DYNC2H1: variants seen among roughly 807,000 people sequenced by gnomAD.
DYNC2H1 encodes the protein cytoplasmic dynein 2 heavy chain 1.
Under a neutral mutation model 570.0 loss-of-function variants are expected in DYNC2H1, and 410 were observed. That is an observed-to-expected ratio of 0.72 (90% CI 0.66 to 0.78). DYNC2H1 has a LOEUF of 0.78. Among genes scored for constraint, DYNC2H1 ranks in the 30% least tolerant of loss-of-function variants. The probability of loss-of-function intolerance (pLI) is 0.00; values close to 1 mark genes in which losing one functional copy is unlikely to be tolerated. For synonymous variants in DYNC2H1, 1,688 were observed against 1,677.6 expected (o/e 1.01, Z -0.15); for missense variants, 4,865 against 5,046.4 (o/e 0.96, Z 1.09).
At chr11:103,197,131 A>C (rs1339470843) in intron 47 of DYNC2H1, among the ~76,000 whole-genome samples, 5 of 150,606 alleles carry the variant, frequency 3.3e-5, no homozygotes, top group Non-Finnish European at 7.4e-5. Context: ...AAATTTGGTC[A>C]GTTTTTTTTT....
chr11:103,135,731 T>G lies in DYNC2H1; in HGVS notation c.2357T>G (p.Leu786Ter). 6.2e-7 allele frequency: 1 copy of G among 1,609,918 alleles called. No homozygotes were observed. The highest frequency in any genetic ancestry group is 8.5e-7 in the Non-Finnish European group (1 of 1,177,754). The change falls in exon 17 of 89, where the codon TTA becomes TGA. Residue 786 changes from leucine (L) to a stop codon, truncating the protein, a stop_gained. Transcript: ENST00000375735. LOFTEE classifies it high-confidence loss of function. ...NIDLTYKQGR[L>*]QFRPPFEEIR... The stretch of plus-strand genomic sequence containing the variant: ...TTATTTACTTTTAGACAGGGACGAT[T>G]ACAATTCAGGCCCCCTTTTGAAGAA...
chr11:103,317,445 C>T (rs569005228), intron 80 of DYNC2H1, among the ~76,000 whole-genome samples: 56 of 151,922 alleles, frequency 3.7e-4, no homozygotes, highest in African/African-American at 1.3e-3. Context: ...TGATTCTATT[C>T]GCTTATTTTC....
At chr11:103,276,712 A>G (rs1865921988) in intron 70 of DYNC2H1, among the ~76,000 whole-genome samples, 1 of 152,072 alleles carries the variant, frequency 6.6e-6, no homozygotes. Flanking sequence ...AAAATGGATT[A>G]TGCTGTATAT....
chr11:103,470,382 T>C (rs116881413), intron 88 of DYNC2H1, among the ~76,000 whole-genome samples: 2 of 152,346 alleles, frequency 1.3e-5, no homozygotes, highest in East Asian at 3.9e-4. Context: ...ATTTATCCTA[T>C]AGAAGAGATG....
chr11:103,243,656 C>A lies in DYNC2H1; in HGVS notation c.9820-37C>A. 1 of 1,395,804 alleles carries A rather than the reference C, an allele frequency of 7.2e-7. No homozygotes were observed. The highest frequency in any genetic ancestry group is 9.9e-7 in the Non-Finnish European group (1 of 1,011,068). The allele number at this position is 1,395,804 out of a possible 1,614,324, so 86.5% of individuals were successfully genotyped here. A position where few individuals can be genotyped will look rare whatever the true frequency, so the allele number is the denominator to read the frequency against. On this transcript the variant is annotated intron_variant, in intron 63 of 88. Coordinates refer to ENST00000375735, the MANE Select transcript of DYNC2H1 (RefSeq NM_001377.3). This position sits in a 1 kb window ranked among gnomAD's most constrained non-coding sequence, Gnocchi z 4.8. ...TTCCATTTAAATGAAAGCTTATAAT[C>A]ATTAAAAAACATTACTTTTCCTTTT...
At chr11:103,291,419 C>T (rs1489951866) in intron 75 of DYNC2H1, among the ~76,000 whole-genome samples, 1 of 151,902 alleles carries the variant, frequency 6.6e-6, no homozygotes, top group Non-Finnish European at 1.5e-5. Flanking sequence ...GCCTGGGCTA[C>T]AGAGCAAGCC....
chr11:103,355,885 A>T (rs1591624424), intron 82 of DYNC2H1, among the ~76,000 whole-genome samples: 2 of 152,024 alleles, frequency 1.3e-5, no homozygotes, highest in Admixed American at 6.6e-5. Flanking sequence ...TATTTTTAAA[A>T]TTTTTTAAGA....
At chr11:103,352,335 C>T (rs1940093983) in intron 82 of DYNC2H1, among the ~76,000 whole-genome samples, 1 of 151,954 alleles carries the variant, frequency 6.6e-6, no homozygotes, top group African/African-American at 2.4e-5. Flanking sequence ...CAATTTTTAG[C>T]ATTGCTTCTT....
chr11:103,109,773 C>T lies in DYNC2H1; in HGVS notation c.195+4C>T. ...AGGAATCTCCTTTTCCAACACGGTA[C>T]GGTTCCTTGCACTCCTGCCTGACCC... is the stretch of plus-strand genomic sequence containing the variant. On this transcript the variant is annotated splice_donor_region_variant and intron_variant, in intron 1 of 88. Transcript: ENST00000375735. 2 of 1,610,188 alleles carry T rather than the reference C, an allele frequency of 1.2e-6. No individual in the cohort carries two copies. Among genetic ancestry groups the T allele is most frequent in the South Asian group, 1.1e-5 (1 of 90,614 alleles).
At position 103,134,374 on chromosome 11, in the gene DYNC2H1, T is replaced by C. The variant is rs2134774084; in HGVS notation, c.2160T>C (p.Asp720=). ...DLLRQQQRWK[D]GLQELRTGLA... is the part of the protein sequence containing the mutation. Reference sequence around the variant, plus strand: ...TTCGGCAGCAACAGCGCTGGAAAGATGGATTACAAGAATTGAGAACTGGCT... The same window carrying C: ...TTCGGCAGCAACAGCGCTGGAAAGACGGATTACAAGAATTGAGAACTGGCT... Residue 720 remains aspartate (D), a synonymous_variant, in exon 15 of 89, where the codon GAT becomes GAC. Coordinates refer to ENST00000375735, the MANE Select transcript of DYNC2H1 (RefSeq NM_001377.3). 1.2e-6 allele frequency: 2 copies of C among 1,612,384 alleles called. No homozygotes were observed. Among genetic ancestry groups the C allele is most frequent in the East Asian group, 4.5e-5 (2 of 44,800 alleles).
intron 87 of DYNC2H1, among the ~76,000 whole-genome samples, chr11:103,467,779 C>T (rs574053796): frequency 2.0e-5 from 3 of 152,162 alleles, no homozygotes; most frequent in South Asian, 2.1e-4. Context: ...CCTTGTGATC[C>T]GCCCGCCTCA....
At chr11:103,182,679 G>T (rs1205307342) in intron 40 of DYNC2H1, among the ~76,000 whole-genome samples, 4 of 151,790 alleles carry the variant, frequency 2.6e-5, no homozygotes, top group African/African-American at 9.7e-5. Context: ...ACCGTGGAGG[G>T]TGTTCAGATA....
In DYNC2H1 at chr11:103,336,950, A is replaced by G. The variant is rs77363055; in HGVS notation, c.12039+12960A>G. Among the ~76,000 whole-genome samples the G allele has an allele frequency of 6.3e-3, 955 of 152,256 alleles. 12 individuals are homozygous for G. Among genetic ancestry groups the G allele is most frequent in the African/African-American group, 0.022 (899 of 41,542 alleles). On this transcript the variant is annotated intron_variant, in intron 82 of 88. Transcript: ENST00000375735. ...GAACAGGCCCCCAAATCTGGCCCCA[A>G]AACTGGTCATAAACAAAATCTCTGC...
At chr11:103,260,372 T>A (rs1471892164) in intron 70 of DYNC2H1, among the ~76,000 whole-genome samples, 1 of 152,218 alleles carries the variant, frequency 6.6e-6, no homozygotes, top group Non-Finnish European at 1.5e-5. Context: ...ATCTCTGCCT[T>A]CCAGCATTCC....
Position 103,117,775 on chromosome 11 carries a change from A to C in DYNC2H1, c.911A>C (p.Gln304Pro). 2.5e-6 allele frequency: 4 copies of C among 1,613,436 alleles called. No individual in the cohort carries two copies. The highest frequency in any genetic ancestry group is 3.4e-6 in the Non-Finnish European group (4 of 1,179,514). ...ATAGTCTGTAATCATCTAACAGGTC[A>C]GGTGTGGCAGCGCTATGTTCCTCAT... is the stretch of plus-strand genomic sequence containing the variant. ...WVIVCNHLTG[Q>P]VWQRYVPHPW... Residue 304 changes from glutamine (Q) to proline (P), a missense_variant, in exon 6 of 89, where the codon CAG becomes CCG. Coordinates refer to ENST00000375735, the MANE Select transcript of DYNC2H1 (RefSeq NM_001377.3).
intron 13 of DYNC2H1, among the ~76,000 whole-genome samples, chr11:103,132,867 G>A (rs1317119671): frequency 6.6e-6 from 1 of 152,000 alleles, no homozygotes; most frequent in African/African-American, 2.4e-5. Context: ...ACTGGGCCCT[G>A]TTGACTCCTC....
At chr11:103,400,732 C>T (rs1185570541) in intron 84 of DYNC2H1, among the ~76,000 whole-genome samples, 1 of 151,538 alleles carries the variant, frequency 6.6e-6, no homozygotes, top group African/African-American at 2.4e-5. Flanking sequence ...TAACAGTCCT[C>T]TCTGTTTGAA....
intron 22 of DYNC2H1, among the ~76,000 whole-genome samples, chr11:103,154,044 A>G (rs1159657092): frequency 6.6e-6 from 1 of 151,842 alleles, no homozygotes; most frequent in African/African-American, 2.4e-5. Context: ...TAGATTAAGG[A>G]TATCTTATAC....
chr11:103,219,969 G>T lies in DYNC2H1; in HGVS notation c.8887G>T (p.Glu2963Ter). Residue 2963 changes from glutamate to a stop codon, truncating the protein, a stop_gained, in exon 56 of 89, where the codon GAA (glutamate) becomes TAA (stop). Transcript: ENST00000375735. LOFTEE classifies it high-confidence loss of function. ...AAGACTGAAGCACAGAATAGCAGAA[G>T]AAGTTGTTAAAATTGAAGAAAGAAA... ...LERLKHRIAEEVVKIEERKNK... is the reference protein window; with the variant it reads ...LERLKHRIAE The T allele has an allele frequency of 6.6e-7, 1 of 1,508,158 alleles. No homozygotes were observed. The highest frequency in any genetic ancestry group is 2.6e-5 in the East Asian group (1 of 37,870). The allele number at this position is 1,508,158 out of a possible 1,614,324, so 93.4% of individuals were successfully genotyped here.
Sources: allele counts gnomAD v4.1 joint callset (sites outside exome capture counted in the v4.1 genomes callset), GRCh38; gene constraint gnomAD v4.1.1; non-coding constraint Gnocchi (gnomAD v3.1); transcripts MANE v1.5; gene names NCBI Gene and HGNC (gene_info 2026-07-23, HGNC 2026-07-21).